Variants in NCOR2 observed in about 807,000 individuals in gnomAD.
NCOR2 encodes nuclear receptor corepressor 2.
Under a neutral mutation model 262.9 loss-of-function variants are expected in NCOR2, and 81 were observed. The observed-to-expected ratio is 0.31, with a 90% CI of 0.26 to 0.37. The LOEUF (loss-of-function observed/expected upper bound fraction) is 0.37, where lower values mean the gene tolerates loss of function less well. Among genes scored for constraint, NCOR2 ranks in the 10% least tolerant of loss-of-function variants. The pLI is 1.00. For missense variants in NCOR2, 3,385 were observed against 3,621.4 expected (o/e 0.93, Z 1.68); for synonymous variants, 1,659 against 1,559.3 (o/e 1.06, Z -1.51).
chr12:124,422,597 G>A (rs372971722), intron 11 of NCOR2, 42 bp from the exon 14 acceptor site: 2 of 1,611,118 alleles, frequency 1.2e-6, no homozygotes, highest in East Asian at 2.2e-5. Flanking sequence ...GGCCGAGGGG[G>A]GCTTTCCTGC....
chr12:124,519,053 G>A (rs890845021), intron 1 of NCOR2, among the ~76,000 whole-genome samples: 3 of 141,220 alleles, frequency 2.1e-5, no homozygotes, highest in Admixed American at 7.6e-5. Context: ...GGGTCATCTC[G>A]GTGACAGGCC....
At chr12:124,458,076 C>T (rs903925835) in intron 5 of NCOR2, among the ~76,000 whole-genome samples, 2 of 152,208 alleles carry the variant, frequency 1.3e-5, no homozygotes, top group East Asian at 1.9e-4. Context: ...GGCACGCGGG[C>T]GAGCCCCTGC....
chr12:124,402,761 G>A (rs142922259), intron 13 of NCOR2, among the ~76,000 whole-genome samples, 200 bp from the exon 16 acceptor site: 2,923 of 152,228 alleles, frequency 0.019, 87 homozygotes, highest in African/African-American at 0.065. Context: ...GGGTCTTGCC[G>A]CCCTAGGGGC....
chr12:124,395,443 G>A (rs757026154), intron 16 of NCOR2, among the ~76,000 whole-genome samples: 4 of 152,174 alleles, frequency 2.6e-5, no homozygotes, highest in Admixed American at 6.5e-5. Context: ...TGCTGCTCAC[G>A]ACATTATTAC....
intron 37 of NCOR2, among the ~76,000 whole-genome samples, chr12:124,337,874 C>T (rs2036027266): frequency 6.6e-6 from 1 of 152,202 alleles, no homozygotes. Flanking sequence ...TGGGGGCACC[C>T]CCATCTCTCG....
Position 124,333,221 on chromosome 12 carries a change from C to A in NCOR2, c.6664G>T (p.Val2222Leu), listed in dbSNP as rs750252948. The A allele has an allele frequency of 1.1e-5, 18 of 1,613,086 alleles. No individual in the cohort carries two copies. Among genetic ancestry groups the A allele is most frequent in the Admixed American group, 5.0e-5 (3 of 59,968 alleles). The change falls in exon 42 of 47, where the codon GTG becomes TTG. Residue 2222 changes from valine to leucine, a missense_variant. Physicochemically the swap from Val to Leu is conservative, Grantham distance 32. Coordinates refer to ENST00000405201, the Ensembl canonical transcript of NCOR2. ...TCCGTCATGCCCTCCGGTGGGGACA[C>A]AGGTTCAATACCGTCCTCACCACCA...
upstream of NCOR2, among the ~76,000 whole-genome samples, chr12:124,536,569 C>G (rs948289625): frequency 5.3e-5 from 8 of 152,172 alleles, no homozygotes; most frequent in Non-Finnish European, 1.2e-4. Context: ...AGATGCCCAA[C>G]GTCATCAGTC....
intron 16 of NCOR2, among the ~76,000 whole-genome samples, chr12:124,391,367 G>GC (rs1248121140): frequency 1.3e-5 from 2 of 151,708 alleles, no homozygotes; most frequent in Non-Finnish European, 2.9e-5. Flanking sequence ...ATCGACCACC[G>GC]CCCCCCACCT....
At chr12:124,436,487 G>C (rs1158403882) in intron 8 of NCOR2, among the ~76,000 whole-genome samples, 1 of 152,200 alleles carries the variant, frequency 6.6e-6, no homozygotes, top group East Asian at 1.9e-4. Flanking sequence ...TCTTCCCCAG[G>C]TGGGGACCTT....
chr12:124,363,090 C>G (rs573143524), intron 21 of NCOR2, among the ~76,000 whole-genome samples: 9 of 152,406 alleles, frequency 5.9e-5, no homozygotes, highest in Admixed American at 5.2e-4. Flanking sequence ...GAAGCCAGGA[C>G]TGAGCAACAG....
At chr12:124,520,002 A>T (rs1448006627) in intron 1 of NCOR2, among the ~76,000 whole-genome samples, 1 of 152,218 alleles carries the variant, frequency 6.6e-6, no homozygotes, top group African/African-American at 2.4e-5. Context: ...GGGTTTCAGG[A>T]CTAAGACCAG....
At chr12:124,475,320 C>CAGTCCTCTGCACACCCCATGA (rs371780523) in intron 3 of NCOR2, among the ~76,000 whole-genome samples, 1 of 152,186 alleles carries the variant, frequency 6.6e-6, no homozygotes, top group Admixed American at 6.5e-5. Flanking sequence ...CAGCCTATCC[C>CAGTCCTCTGCACACCCCATGA]AGTCCTCTGC....
At chr12:124,397,598 T>C (rs957775314) in intron 16 of NCOR2, among the ~76,000 whole-genome samples, 1 of 152,126 alleles carries the variant, frequency 6.6e-6, no homozygotes, top group Non-Finnish European at 1.5e-5. Context: ...CCAGAACCCG[T>C]CACCCAGATT....
At chr12:124,444,175 T>C (rs990861194) in intron 7 of NCOR2, among the ~76,000 whole-genome samples, 4 of 152,190 alleles carry the variant, frequency 2.6e-5, no homozygotes, top group Non-Finnish European at 4.4e-5. Context: ...AATAGCTTAC[T>C]GCAGACAAAT....
chr12:124,430,639 C>T (rs531830002), exon 9 of NCOR2: 80 of 1,613,668 alleles, frequency 5.0e-5, no homozygotes, highest in Non-Finnish European at 6.4e-5. Context: ...CTGCAGCTCG[C>T]GCTGCTTGCG....
intron 13 of NCOR2, among the ~76,000 whole-genome samples, chr12:124,410,044 A>G (rs1165895402): frequency 6.6e-6 from 1 of 151,206 alleles, no homozygotes. Flanking sequence ...AGACTCAAAC[A>G]CCACCCATCC....
At position 124,454,922 on chromosome 12, in the gene NCOR2, G is replaced by T. The variant is rs1457719075; in HGVS notation, c.762+2184C>A. ...ATCTCACGTCCACCGACTGATGAGTGGGTAAACAACACGTGACCTACCCCT... is the reference window on the plus strand; with the variant it reads ...ATCTCACGTCCACCGACTGATGAGTTGGTAAACAACACGTGACCTACCCCT... On this transcript the variant is annotated intron_variant, in intron 6 of 46. Transcript: ENST00000405201. The surrounding 1 kb of genome is among the most constrained non-coding windows in gnomAD (Gnocchi z 5.6). Among the ~76,000 whole-genome samples the T allele has an allele frequency of 6.6e-6, 1 of 152,156 alleles. No homozygotes were observed. Among genetic ancestry groups the T allele is most frequent in the East Asian group, 1.9e-4 (1 of 5,198 alleles).
chr12:124,531,500 A>G lies in NCOR2; in HGVS notation c.-118+4065T>C, dbSNP rs1594004523. Among the ~76,000 whole-genome samples the G allele has an allele frequency of 6.7e-6, 1 of 148,172 alleles. No homozygotes were observed. The highest frequency in any genetic ancestry group is 2.6e-5 in the African/African-American group (1 of 38,046). ...GCCTGTGGGGAGAAGGAGGGAGGAGAAGGAGGGGTAGGGAGCAGGAAGGAA... is the reference window on the plus strand; with the variant it reads ...GCCTGTGGGGAGAAGGAGGGAGGAGGAGGAGGGGTAGGGAGCAGGAAGGAA... On this transcript the variant is annotated intron_variant, in intron 1 of 46. Coordinates refer to the NCOR2 transcript ENST00000404621. This position sits in a 1 kb window ranked among gnomAD's most constrained non-coding sequence, Gnocchi z 4.5.
At chr12:124,371,060 T>A (rs2039463873) in intron 20 of NCOR2, among the ~76,000 whole-genome samples, 1 of 152,094 alleles carries the variant, frequency 6.6e-6, no homozygotes, top group South Asian at 2.1e-4. Context: ...ACTGTGCCTC[T>A]CACTCCCAGC....
Sources: gnomAD v4.1 joint callset for allele counts (sites outside exome capture counted in the v4.1 genomes callset) on GRCh38, gnomAD v4.1.1 for gene constraint, Gnocchi (gnomAD v3.1) non-coding constraint, MANE v1.5 for transcripts, NCBI Gene and HGNC (gene_info 2026-07-23, HGNC 2026-07-21) for gene names.